NRXN3: variants seen among roughly 807,000 people sequenced by gnomAD.
NRXN3 encodes neurexin III.
In NRXN3, 32 loss-of-function variants were observed where a neutral mutation model predicts 137.6. That is an observed-to-expected ratio of 0.23 (90% CI 0.18 to 0.31). The LOEUF is 0.31. Ranked by LOEUF, NRXN3 falls within the 10% of genes least tolerant of loss-of-function variation. The pLI is 1.00. For missense variants in NRXN3, 1,574 were observed against 2,062.5 expected, an observed-to-expected ratio of 0.76 and a Z score of 4.59; for synonymous variants, 798 against 784.5, an observed-to-expected ratio of 1.02 and a Z score of -0.29.
chr14:79,778,881 A>G (rs1041134027), intron 19 of NRXN3, among the ~76,000 whole-genome samples: 5 of 152,190 alleles, frequency 3.3e-5, no homozygotes, highest in Non-Finnish European at 7.3e-5. Flanking sequence ...ACTGTAATAT[A>G]GTGGTGAAGA....
At position 78,286,097 on chromosome 14, in the gene NRXN3, C is replaced by T. The variant is rs116583670; in HGVS notation, c.727+7435C>T. Among the ~76,000 whole-genome samples the T allele has an allele frequency of 5.0e-3, 763 of 152,210 alleles. 4 individuals are homozygous for T. Among genetic ancestry groups the T allele is most frequent in the African/African-American group, 0.014 (586 of 41,526 alleles). On this transcript the variant is annotated intron_variant, in intron 3 of 20. Coordinates refer to ENST00000335750, the MANE Select transcript of NRXN3 (RefSeq NM_001330195.2). ...CCTTTATTGTCTTAGGCAGACCCAC[C>T]GGGGTATTGGTTATGGTCACATTTC... is the stretch of plus-strand genomic sequence containing the variant.
At chr14:79,665,857 C>CCTTTCTTTAATAGCATTG (rs373880033) in intron 17 of NRXN3, among the ~76,000 whole-genome samples, 7 of 152,188 alleles carry the variant, frequency 4.6e-5, no homozygotes, top group African/African-American at 1.7e-4. Context: ...ACAGATTAAG[C>CCTTTCTTTAATAGCATTG]CTTTCTTTAA....
At chr14:79,814,761 T>A (rs61992431) in intron 20 of NRXN3, among the ~76,000 whole-genome samples, 15,950 of 152,234 alleles carry the variant, frequency 0.1, 1,141 homozygotes, top group African/African-American at 0.19. Flanking sequence ...GGGAGCATCA[T>A]TTCTGCTGTG....
chr14:79,463,424 T>C (rs1048258745), intron 15 of NRXN3, among the ~76,000 whole-genome samples: 1 of 151,996 alleles, frequency 6.6e-6, no homozygotes, highest in African/African-American at 2.4e-5. Context: ...AGTAAGTAGT[T>C]AGCCAATTAT....
intron 4 of NRXN3, among the ~76,000 whole-genome samples, chr14:78,384,162 C>G (rs1000738274): frequency 6.6e-6 from 1 of 152,136 alleles, no homozygotes; most frequent in Non-Finnish European, 1.5e-5. Flanking sequence ...GAGGACTAGG[C>G]AGAAGGAGGA....
At chr14:79,338,196 G>C (rs539912793) in intron 15 of NRXN3, among the ~76,000 whole-genome samples, 1 of 141,062 alleles carries the variant, frequency 7.1e-6, no homozygotes, top group Non-Finnish European at 1.5e-5. Context: ...AGGCAGCCGG[G>C]GTGTGTGTGT....
intron 2 of NRXN3, among the ~76,000 whole-genome samples, chr14:78,276,029 T>C (rs1180936833): frequency 6.6e-6 from 1 of 152,182 alleles, no homozygotes; most frequent in Non-Finnish European, 1.5e-5. Flanking sequence ...TGTGTCTCTA[T>C]TCCTAAAGTT....
intron 6 of NRXN3, among the ~76,000 whole-genome samples, chr14:78,663,974 C>A (rs935534197): frequency 6.6e-6 from 1 of 152,166 alleles, no homozygotes; most frequent in African/African-American, 2.4e-5. Context: ...ATTAGTGTTG[C>A]GGTGCTTTTG....
chr14:78,361,229 C>T (rs748222332), intron 4 of NRXN3, among the ~76,000 whole-genome samples: 1 of 152,164 alleles, frequency 6.6e-6, no homozygotes, highest in South Asian at 2.1e-4. Context: ...AAATAAAAAT[C>T]TCTGGGCATG....
chr14:79,815,618 G>A (rs997947876), intron 20 of NRXN3, among the ~76,000 whole-genome samples: 1 of 152,224 alleles, frequency 6.6e-6, no homozygotes, highest in Admixed American at 6.5e-5. Flanking sequence ...AGGAAAGGAA[G>A]AGATATTGAT....
chr14:79,830,277 T>TG lies in NRXN3; in HGVS notation c.4093+25089dup, dbSNP rs3215403. Among the ~76,000 whole-genome samples, 342 of 152,288 alleles carry TG rather than the reference T, an allele frequency of 2.2e-3. 12 individuals carry two copies. In the East Asian group the frequency reaches 0.045, roughly 20 times the overall value. Reference sequence around the variant, plus strand: ...AATCTAGAGTAGTTTGTTCTATTTCTGGAAAAAAAGGAATGCTTTGTACAT... The same window carrying TG: ...AATCTAGAGTAGTTTGTTCTATTTCTGGGAAAAAAAGGAATGCTTTGTACAT... On this transcript the variant is annotated intron_variant, in intron 20 of 20. Transcript: ENST00000335750.
chr14:79,635,978 C>A (rs927529694), intron 16 of NRXN3, among the ~76,000 whole-genome samples: 1 of 152,032 alleles, frequency 6.6e-6, no homozygotes, highest in African/African-American at 2.4e-5. Flanking sequence ...CCCAGTGACT[C>A]CTTACTGGGT....
chr14:78,700,895 C>A (rs978619172), intron 6 of NRXN3, among the ~76,000 whole-genome samples: 1 of 152,076 alleles, frequency 6.6e-6, no homozygotes, highest in Non-Finnish European at 1.5e-5. Context: ...CTTCAGCCTC[C>A]CGAGTAGCTG....
chr14:78,967,672 C>T (rs1054733219), intron 13 of NRXN3, among the ~76,000 whole-genome samples: 3 of 151,972 alleles, frequency 2.0e-5, no homozygotes, highest in East Asian at 1.9e-4. Flanking sequence ...TGGGAAGGGC[C>T]GTAATACAGA....
chr14:79,529,391 A>G (rs927854433), intron 16 of NRXN3, among the ~76,000 whole-genome samples: 1 of 152,222 alleles, frequency 6.6e-6, no homozygotes, highest in Non-Finnish European at 1.5e-5. Flanking sequence ...AGGCAGGCCC[A>G]GGCCTGGTTT....
chr14:78,600,646 A>G lies in NRXN3; in HGVS notation c.758-44474A>G, dbSNP rs538003566. Among the ~76,000 whole-genome samples the G allele has an allele frequency of 3.3e-5, 5 of 152,098 alleles. No individual in the cohort carries two copies. In the South Asian group the frequency reaches 6.3e-4, roughly 19 times the overall value. On this transcript the variant is annotated intron_variant, in intron 4 of 20. Coordinates refer to ENST00000335750, the MANE Select transcript of NRXN3 (RefSeq NM_001330195.2). ...TCCCCCAACATTATCTTTCTGGACA[A>G]TCTCTACCACCTTAATGTTAATGAG...
intron 8 of NRXN3, among the ~76,000 whole-genome samples, chr14:78,749,416 CTAGT>C (rs2098630483): frequency 6.6e-6 from 1 of 152,136 alleles, no homozygotes; most frequent in African/African-American, 2.4e-5. Context: ...CAGATTTATC[CTAGT>C]TTCATTTTCA....
chr14:78,200,714 C>T (rs1376428962), intron 1 of NRXN3, among the ~76,000 whole-genome samples: 2 of 152,114 alleles, frequency 1.3e-5, no homozygotes, highest in African/African-American at 4.8e-5. Context: ...CTTAATACAT[C>T]CTTTATGGAT....
intron 16 of NRXN3, among the ~76,000 whole-genome samples, chr14:79,542,651 T>C (rs2097284779): frequency 6.6e-6 from 1 of 152,152 alleles, no homozygotes; most frequent in Non-Finnish European, 1.5e-5. Context: ...TCTCCCTCCC[T>C]TTCCTGGGGT....
Sources: allele counts gnomAD v4.1 joint callset (sites outside exome capture counted in the v4.1 genomes callset), GRCh38; gene constraint gnomAD v4.1.1; transcripts MANE v1.5; gene names NCBI Gene and HGNC (gene_info 2026-07-23, HGNC 2026-07-21).